Variants in AK2 observed in about 807,000 individuals in gnomAD.
The protein encoded by AK2 is adenylate kinase 2, mitochondrial.
A neutral mutation model predicts 24.6 loss-of-function variants in AK2; 15 were observed. That is an observed-to-expected ratio of 0.61 (90% CI 0.41 to 0.94). The LOEUF is 0.94. AK2 is among the 40% of genes least tolerant of loss of function. The pLI is 0.00. For synonymous variants in AK2, 102 were observed against 114.0 expected (o/e 0.90, Z 0.67); for missense variants, 257 against 304.1 (o/e 0.85, Z 1.15).
Position 33,014,602 on chromosome 1 carries a change from A to C in AK2, c.426-8T>G. 1 of 1,607,754 alleles carries C rather than the reference A, an allele frequency of 6.2e-7. No homozygotes were observed. Among genetic ancestry groups the C allele is most frequent in the Non-Finnish European group, 8.5e-7 (1 of 1,175,342 alleles). On this transcript the variant is annotated splice_polypyrimidine_tract_variant and splice_region_variant and intron_variant, in intron 4 of 5. Transcript: ENST00000672715. ...CTCTTGGGGTGAATCAGCCTGAAAG[A>C]CAGCAAATGAATATGAGTTAGGTTA...
At chr1:33,032,735 G>A (rs181370657) in intron 1 of AK2, among the ~76,000 whole-genome samples, 1 of 152,242 alleles carries the variant, frequency 6.6e-6, no homozygotes, top group East Asian at 1.9e-4. Context: ...AACCTAAATT[G>A]AATTAAGTAT....
chr1:33,011,049 C>G lies in AK2; in HGVS notation c.*2132G>C. On this transcript the variant is annotated 3_prime_UTR_variant, in exon 6 of 6. Transcript: ENST00000672715. ...ATACTGAGAAGGGTATATGCATTCC[C>G]TATGAATCTTCCAGTTCTTATGGGC... is the stretch of plus-strand genomic sequence containing the variant. The G allele has an allele frequency of 1.0e-6, 1 of 985,436 alleles. No individual in the cohort carries two copies. Among genetic ancestry groups the G allele is most frequent in the Non-Finnish European group, 1.2e-6 (1 of 829,932 alleles). The allele number at this position is 985,436 out of a possible 1,614,324, so 61.0% of individuals were successfully genotyped here. A position where few individuals can be genotyped will look rare whatever the true frequency, so the allele number is the denominator to read the frequency against.
At chr1:33,013,465 C>T in intron 5 of AK2, 63 bp from the exon 6 acceptor site, 2 of 1,562,580 alleles carry the variant, frequency 1.3e-6, no homozygotes, top group Non-Finnish European at 8.7e-7. Flanking sequence ...TATTCCATGC[C>T]AGATGCAGAT....
intron 1 of AK2, among the ~76,000 whole-genome samples, chr1:33,033,330 G>A (rs548547942): frequency 3.1e-4 from 47 of 152,218 alleles, no homozygotes; most frequent in East Asian, 1.7e-3. Context: ...AGACCAGCCT[G>A]AGCAACATGG....
chr1:33,024,286 G>A (rs1304755468), intron 2 of AK2, 156 bp downstream of exon 2: 18 of 1,035,808 alleles, frequency 1.7e-5, no homozygotes, highest in Admixed American at 2.0e-5. Context: ...GCGTTGGCTG[G>A]TAAATACTTG....
intron 1 of AK2, among the ~76,000 whole-genome samples, chr1:33,025,916 C>G (rs1639848357): frequency 6.6e-6 from 1 of 152,150 alleles, no homozygotes; most frequent in Non-Finnish European, 1.5e-5. Context: ...TCCCAAGAAC[C>G]CTGTCGGGAG....
At chr1:33,023,326 G>A (rs1639667122) in intron 2 of AK2, among the ~76,000 whole-genome samples, 1 of 152,124 alleles carries the variant, frequency 6.6e-6, no homozygotes, top group African/African-American at 2.4e-5. Flanking sequence ...ACTTAGAGAG[G>A]CTGGGGCAGG....
chr1:33,012,258 C>A lies in AK2; in HGVS notation c.*923G>T, dbSNP rs1351907555. ...TCATGATGCAGATCACAAAAATATT[C>A]CAATTTGGCCTGGCTCTTTTTATGA... On this transcript the variant is annotated 3_prime_UTR_variant, in exon 6 of 6. Transcript: ENST00000672715. 5 of 1,534,822 alleles carry A rather than the reference C, an allele frequency of 3.3e-6. No individual in the cohort carries two copies. In the South Asian group the frequency reaches 6.0e-5, roughly 18 times the overall value.
chr1:33,022,442 A>C (rs1310315921), intron 2 of AK2, among the ~76,000 whole-genome samples: 2 of 137,058 alleles, frequency 1.5e-5, no homozygotes, highest in Non-Finnish European at 3.0e-5. Flanking sequence ...TGCAACCTCC[A>C]CCTTCCAGGT....
chr1:33,019,852 C>A, intron 4 of AK2: 1 of 1,244,014 alleles, frequency 8.0e-7, no homozygotes, highest in Non-Finnish European at 1.0e-6. Context: ...AATAAGTAAA[C>A]AATGGTTAAC....
chr1:33,034,850 A>G (rs781686556), intron 1 of AK2, among the ~76,000 whole-genome samples: 3 of 152,016 alleles, frequency 2.0e-5, no homozygotes, highest in Non-Finnish European at 4.4e-5. Flanking sequence ...GGAGTTCAAT[A>G]CCAGCCTGGG....
rs1382534293 is a variant in AK2 at position 33,008,829 on chromosome 1, T to C, written c.*4352A>G. ...GGTAGGACTAGTCTGCATTCTTGGT[T>C]TGCAGATTAGATGAGGAAACCCAGG... On this transcript the variant is annotated 3_prime_UTR_variant, in exon 6 of 6. Transcript: ENST00000672715. 1 of 453,974 alleles carries C rather than the reference T, an allele frequency of 2.2e-6. No individual in the cohort carries two copies. Among genetic ancestry groups the C allele is most frequent in the Non-Finnish European group, 4.4e-6 (1 of 226,788 alleles). The allele number at this position is 453,974 out of a possible 1,614,324, so 28.1% of individuals were successfully genotyped here. A position where few individuals can be genotyped will look rare whatever the true frequency, so the allele number is the denominator to read the frequency against.
In AK2 at chr1:33,024,561, T is replaced by C; in HGVS notation, c.100A>G (p.Arg34Gly). The change falls in exon 2 of 6, where the codon AGA becomes GGA. Residue 34 changes from arginine to glycine, a missense_variant. Coordinates refer to ENST00000672715, the MANE Select transcript of AK2 (RefSeq NM_001625.4). ...PGAGKGTQAP[R>G]LAENFCVCHL... ...CAGACACAGAAGTTTTCAGCCAATC[T>C]GGGTGCCTACAGAGAGGAAGACAAA... is the stretch of plus-strand genomic sequence containing the variant. The C allele has an allele frequency of 6.2e-7, 1 of 1,614,186 alleles. No individual in the cohort carries two copies.
At position 33,012,827 on chromosome 1, in the gene AK2, G is replaced by A. The variant is rs1638909446; in HGVS notation, c.*354C>T. On this transcript the variant is annotated 3_prime_UTR_variant, in exon 6 of 6. Transcript: ENST00000672715. ...TGGGATAATTGCTTGAGCCCCAGGAGGCAGAGGTTGCCGTGAGCCAAGATC... is the reference window on the plus strand; with the variant it reads ...TGGGATAATTGCTTGAGCCCCAGGAAGCAGAGGTTGCCGTGAGCCAAGATC... 1 of 1,201,246 alleles carries A rather than the reference G, an allele frequency of 8.3e-7. No individual in the cohort carries two copies. Among genetic ancestry groups the A allele is most frequent in the African/African-American group, 1.6e-5 (1 of 64,132 alleles). 74.4% of individuals were successfully genotyped at this position (1,201,246 alleles called of 1,614,324 possible).
chr1:33,012,165 C>T lies in AK2; in HGVS notation c.*1016G>A. 1 of 1,535,438 alleles carries T rather than the reference C, an allele frequency of 6.5e-7. No individual in the cohort carries two copies. Among genetic ancestry groups the T allele is most frequent in the Non-Finnish European group, 8.7e-7 (1 of 1,146,724 alleles). ...AATCTGAATTCAAAAGGACCTTTCA[C>T]CTGGTTTAATTCTCTGGCAACAATT... On this transcript the variant is annotated 3_prime_UTR_variant, in exon 6 of 6. Transcript: ENST00000672715.
Position 33,021,696 on chromosome 1 carries a change from T to G in AK2, c.227A>C (p.Asp76Ala). Residue 76 changes from aspartate (D) to alanine (A), a missense_variant, in exon 3 of 6, where the codon GAT (aspartate) becomes GCT (alanine). Physicochemically the swap from Asp to Ala is moderately radical, Grantham distance 126. Coordinates refer to ENST00000672715, the MANE Select transcript of AK2 (RefSeq NM_001625.4). ...CTCAATGAGCTCCACTACCATTTCA[T>G]CACTCACCTGGAAGTTAGGAACAAA... ...ATMDAGKLVS[D>A]EMVVELIEKN... 2 of 1,613,210 alleles carry G rather than the reference T, an allele frequency of 1.2e-6. No individual in the cohort carries two copies. Among genetic ancestry groups the G allele is most frequent in the Non-Finnish European group, 1.7e-6 (2 of 1,179,124 alleles).
At chr1:33,021,821 T>C (rs1001111290) in intron 2 of AK2, 118 bp from the exon 3 acceptor site, 28 of 774,290 alleles carry the variant, frequency 3.6e-5, no homozygotes, top group Admixed American at 6.5e-5. Flanking sequence ...CAGCAAGTTT[T>C]CTTGGACCCA....
chr1:33,034,965 T>C (rs977790985), intron 1 of AK2, among the ~76,000 whole-genome samples: 16 of 151,994 alleles, frequency 1.1e-4, no homozygotes, highest in Admixed American at 9.2e-4. Context: ...GGTGGGAGGA[T>C]TGCTTGAGCT....
At position 33,008,918 on chromosome 1, in the gene AK2, A is replaced by T; in HGVS notation, c.*4263T>A. On this transcript the variant is annotated 3_prime_UTR_variant, in exon 6 of 6. Coordinates refer to ENST00000672715, the MANE Select transcript of AK2 (RefSeq NM_001625.4). The stretch of plus-strand genomic sequence containing the variant: ...TCTGTTTATTCTTCTCAACTACACC[A>T]TGCTGCTTTGCAGGTTGGTTTGACA... The T allele has an allele frequency of 2.2e-6, 1 of 454,110 alleles. No individual in the cohort carries two copies. Among genetic ancestry groups the T allele is most frequent in the South Asian group, 1.6e-5 (1 of 64,480 alleles). 28.1% of individuals were successfully genotyped at this position (454,110 alleles called of 1,614,324 possible).
Sources: gnomAD v4.1 joint callset for allele counts (sites outside exome capture counted in the v4.1 genomes callset) on GRCh38, gnomAD v4.1.1 for gene constraint, MANE v1.5 for transcripts, NCBI Gene and HGNC (gene_info 2026-07-23, HGNC 2026-07-21) for gene names.